Variants in ZNF536 observed in about 807,000 individuals in gnomAD.
ZNF536 encodes zinc finger protein 536.
ZNF536 carries 13 observed loss-of-function variants against 84.5 expected under a neutral mutation model. That is an observed-to-expected ratio of 0.15 (90% CI 0.10 to 0.24). The LOEUF (loss-of-function observed/expected upper bound fraction) is 0.24, where lower values mean the gene tolerates loss of function less well. Ranked by LOEUF, ZNF536 falls within the 10% of genes least tolerant of loss-of-function variation. The probability of loss-of-function intolerance (pLI) is 1.00; values close to 1 mark genes in which losing one functional copy is unlikely to be tolerated. For synonymous variants in ZNF536, 811 were observed against 742.5 expected (o/e 1.09, Z -1.50); for missense variants, 1,536 against 1,747.5 (o/e 0.88, Z 2.16).
intron 1 of ZNF536, among the ~76,000 whole-genome samples, chr19:30,397,136 C>T (rs1024681383): frequency 1.3e-5 from 2 of 152,162 alleles, no homozygotes; most frequent in African/African-American, 2.4e-5. Flanking sequence ...TGGCTTGAGA[C>T]TCAGGTGATA....
chr19:30,643,220 C>T (rs1191355952), intron 1 of ZNF536, among the ~76,000 whole-genome samples: 1 of 152,150 alleles, frequency 6.6e-6, no homozygotes, highest in Non-Finnish European at 1.5e-5. Flanking sequence ...TCCATCCCAG[C>T]CTTGGCTGCT....
intron 2 of ZNF536, 140 bp from the exon 3 acceptor site, chr19:30,534,707 C>A: frequency 1.2e-6 from 1 of 865,404 alleles, no homozygotes; most frequent in Middle Eastern, 2.5e-4. Context: ...CATGAATTGT[C>A]AGCATTCTGT....
chr19:30,654,554 A>G (rs1186667833), intron 1 of ZNF536, among the ~76,000 whole-genome samples: 2 of 152,156 alleles, frequency 1.3e-5, no homozygotes, highest in African/African-American at 4.8e-5. Context: ...AGATTTCTCC[A>G]TGACTGCACC....
At chr19:30,666,530 C>T (rs1190546797) in intron 1 of ZNF536, among the ~76,000 whole-genome samples, 5 of 152,044 alleles carry the variant, frequency 3.3e-5, no homozygotes, top group African/African-American at 1.2e-4. Flanking sequence ...GTGGAACCCA[C>T]ATTTCTATTA....
At chr19:30,425,490 A>G (rs2051173780) in intron 1 of ZNF536, among the ~76,000 whole-genome samples, 1 of 152,192 alleles carries the variant, frequency 6.6e-6, no homozygotes, top group South Asian at 2.1e-4. Flanking sequence ...TGTTTGATCC[A>G]GGGGCTCAAA....
intron 1 of ZNF536, among the ~76,000 whole-genome samples, chr19:30,618,187 T>A (rs2147114674): frequency 6.6e-6 from 1 of 152,380 alleles, no homozygotes; most frequent in South Asian, 2.1e-4. Context: ...ATTTCTTTAG[T>A]GTATAATGCC....
At chr19:30,395,775 A>G (rs1023255660) in intron 1 of ZNF536, among the ~76,000 whole-genome samples, 2 of 152,204 alleles carry the variant, frequency 1.3e-5, no homozygotes, top group African/African-American at 2.4e-5. Flanking sequence ...TTTGTTTTGA[A>G]TATAAGACTT....
chr19:30,359,408 T>C (rs2048199824), intron 3 of ZNF536, among the ~76,000 whole-genome samples: 1 of 152,190 alleles, frequency 6.6e-6, no homozygotes, highest in South Asian at 2.1e-4. Context: ...ACGCTTCTCC[T>C]GGCCCTGAGT....
chr19:30,248,943 G>T (rs984638219), intron 1 of ZNF536, among the ~76,000 whole-genome samples: 2 of 152,178 alleles, frequency 1.3e-5, no homozygotes, highest in African/African-American at 4.8e-5. Flanking sequence ...TCAGATACAA[G>T]AACTCCACTT....
rs906752867 is a variant in ZNF536 at position 30,282,822 on chromosome 19, G to GAGAC, written c.-189-1236_-189-1233dup. 2.0e-5 allele frequency among the ~76,000 whole-genome samples: 3 copies of GAGAC among 152,306 alleles called. No individual in the cohort carries two copies. The East Asian group carries it at 5.8e-4, about 29-fold the overall frequency. Reference sequence around the variant, plus strand: ...GATCATCTGGTTCAGGGAAGAGAGAGAGACAGACAGACAGACACTGAGATG... The same window carrying GAGAC: ...GATCATCTGGTTCAGGGAAGAGAGAGAGACAGACAGACAGACAGACACTGAGATG... On this transcript the variant is annotated intron_variant, in intron 1 of 5. Coordinates refer to the ZNF536 transcript ENST00000585628.
Position 30,691,555 on chromosome 19 carries a change from C to T in ZNF536, c.170-19202C>T, listed in dbSNP as rs190689035. On this transcript the variant is annotated intron_variant, in intron 1 of 1. Transcript: ENST00000592773. The stretch of plus-strand genomic sequence containing the variant: ...TATGCTAAATAATTTGCGAGGCTCC[C>T]AACATGCAGGTTATTGTTTGTGGAC... Among the ~76,000 whole-genome samples the T allele has an allele frequency of 4.9e-3, 752 of 152,290 alleles. 2 individuals carry two copies. Among genetic ancestry groups the T allele is most frequent in the Non-Finnish European group, 4.6e-3 (314 of 68,018 alleles).
At chr19:30,530,268 A>G (rs952069425) in intron 2 of ZNF536, among the ~76,000 whole-genome samples, 3 of 152,254 alleles carry the variant, frequency 2.0e-5, no homozygotes, top group African/African-American at 7.2e-5. Flanking sequence ...TCTCAAACCA[A>G]TGCACGAAAG....
intron 1 of ZNF536, among the ~76,000 whole-genome samples, chr19:30,277,420 C>T (rs1015508333): frequency 2.6e-5 from 4 of 152,180 alleles, no homozygotes; most frequent in African/African-American, 9.7e-5. Flanking sequence ...TTTCTGTGAG[C>T]TTCTGATGTC....
At chr19:30,543,034 A>G (rs1413616298) in intron 3 of ZNF536, among the ~76,000 whole-genome samples, 2 of 151,934 alleles carry the variant, frequency 1.3e-5, no homozygotes, top group Non-Finnish European at 1.5e-5. Flanking sequence ...CTGGTCTTAA[A>G]CTCCTGGGCC....
At chr19:30,477,186 C>T (rs1001284875) in intron 2 of ZNF536, among the ~76,000 whole-genome samples, 2 of 152,138 alleles carry the variant, frequency 1.3e-5, no homozygotes, top group African/African-American at 2.4e-5. Context: ...CTGTCTGTCC[C>T]GAATCATGAC....
intron 1 of ZNF536, among the ~76,000 whole-genome samples, chr19:30,623,153 C>T (rs1283911706): frequency 6.6e-6 from 1 of 151,568 alleles, no homozygotes; most frequent in Non-Finnish European, 1.5e-5. Context: ...ATATCCATTC[C>T]AACAGCAAAT....
chr19:30,500,168 G>A (rs1396080257), intron 2 of ZNF536, among the ~76,000 whole-genome samples: 1 of 152,200 alleles, frequency 6.6e-6, no homozygotes, highest in Admixed American at 6.5e-5. Context: ...GAAGGTTCAG[G>A]AGAAGCTGCT....
At chr19:30,592,333 A>AT (rs962367528) in intron 1 of ZNF536, among the ~76,000 whole-genome samples, 6 of 151,880 alleles carry the variant, frequency 4.0e-5, no homozygotes, top group Non-Finnish European at 7.4e-5. Flanking sequence ...ATGCAGTGGG[A>AT]TTTTTTTTCC....
chr19:30,354,862 C>T (rs916950866), intron 3 of ZNF536, among the ~76,000 whole-genome samples: 1 of 152,162 alleles, frequency 6.6e-6, no homozygotes, highest in African/African-American at 2.4e-5. Flanking sequence ...TTGAATCCTG[C>T]CCCAGGTAGT....
Sources: allele counts gnomAD v4.1 joint callset (sites outside exome capture counted in the v4.1 genomes callset), GRCh38; gene constraint gnomAD v4.1.1; transcripts MANE v1.5; gene names NCBI Gene and HGNC (gene_info 2026-07-23, HGNC 2026-07-21).